MAP3K19: variants seen among roughly 807,000 people sequenced by gnomAD.
MAP3K19 encodes the protein mitogen-activated protein kinase kinase kinase 19.
MAP3K19 carries 91 observed loss-of-function variants against 114.4 expected under a neutral mutation model. The ratio of observed to expected loss-of-function variants is 0.80; its 90% CI spans 0.67 to 0.95. MAP3K19 has a LOEUF of 0.95. MAP3K19 is among the 40% of genes least tolerant of loss of function. The pLI is 0.00. For missense variants in MAP3K19, 1,471 were observed against 1,573.2 expected (o/e 0.94, Z 1.10); for synonymous variants, 518 against 530.5 (o/e 0.98, Z 0.32).
intron 12 of MAP3K19, among the ~76,000 whole-genome samples, chr2:134,977,356 ATTTTTTTTTTTT>A (rs774277347): frequency 2.3e-5 from 2 of 86,834 alleles, no homozygotes; most frequent in South Asian, 9.3e-4. Flanking sequence ...TAATTTTTAA[ATTTTTTTTTTTT>A]TTTTTTTTTT....
Position 135,012,530 on chromosome 2 carries a change from T to C in MAP3K19, c.139-6999A>G, listed in dbSNP as rs1356082752. On this transcript the variant is annotated intron_variant, in intron 5 of 12. Transcript: ENST00000392915. ...TCTTGATTTAACCGTTTATTTTTAATTTTCACTTAATTTTTATCAAAATTA... is the reference window on the plus strand; with the variant it reads ...TCTTGATTTAACCGTTTATTTTTAACTTTCACTTAATTTTTATCAAAATTA... Among the ~76,000 whole-genome samples, 3 of 152,180 alleles carry C rather than the reference T, an allele frequency of 2.0e-5. No individual in the cohort carries two copies. In the South Asian group the frequency reaches 6.2e-4, roughly 32 times the overall value.
intron 5 of MAP3K19, among the ~76,000 whole-genome samples, chr2:135,018,281 C>CAAAAAAAAAA (rs781510594): frequency 9.1e-4 from 53 of 58,182 alleles, no homozygotes; most frequent in Middle Eastern, 0.012. Flanking sequence ...GCAACAACAG[C>CAAAAAAAAAA]AAAAAAAAAA....
chr2:134,983,130 A>T (rs1405849992), intron 11 of MAP3K19: 5 of 511,976 alleles, frequency 9.8e-6, no homozygotes, highest in Non-Finnish European at 2.0e-5. Flanking sequence ...CTACTGTGTT[A>T]TCAAACACTA....
chr2:135,024,758 C>A lies in MAP3K19; in HGVS notation c.-94-17G>T. The A allele has an allele frequency of 6.6e-6, 6 of 902,580 alleles. No homozygotes were observed. The highest frequency in any genetic ancestry group is 1.5e-5 in the South Asian group (1 of 65,110). 55.9% of individuals were successfully genotyped at this position (902,580 alleles called of 1,614,324 possible). On this transcript the variant is annotated splice_polypyrimidine_tract_variant and intron_variant, in intron 3 of 12. Transcript: ENST00000392915. ...TTAGGATCTCTAGGAAGAACAGAATCAACATTAAAGTTTATTTAGTTGAAT... is the reference window on the plus strand; with the variant it reads ...TTAGGATCTCTAGGAAGAACAGAATAAACATTAAAGTTTATTTAGTTGAAT...
chr2:135,042,501 CAAAAAAAAAAAA>C (rs1168430275), intron 1 of MAP3K19, among the ~76,000 whole-genome samples: 1 of 58,778 alleles, frequency 1.7e-5, no homozygotes, highest in African/African-American at 5.9e-5. Flanking sequence ...GACTCTGTCT[CAAAAAAAAAAAA>C]AAAAAAGAAA....
At chr2:134,991,097 C>T (rs533278359) in intron 9 of MAP3K19, among the ~76,000 whole-genome samples, 38 of 151,828 alleles carry the variant, frequency 2.5e-4, no homozygotes, top group African/African-American at 7.7e-4. Flanking sequence ...GTCAGGAGAT[C>T]GAGACCATCC....
intron 12 of MAP3K19, among the ~76,000 whole-genome samples, chr2:134,977,487 C>T (rs1684324149): frequency 6.6e-6 from 1 of 151,226 alleles, no homozygotes; most frequent in South Asian, 2.1e-4. Flanking sequence ...CTCAGCCTCC[C>T]GAGTAGCTGG....
chr2:134,969,183 A>T (rs1480282965), intron 12 of MAP3K19, among the ~76,000 whole-genome samples: 1 of 133,748 alleles, frequency 7.5e-6, no homozygotes, highest in African/African-American at 3.0e-5. Context: ...CCCCGTCTCC[A>T]CCAAAAAAAA....
intron 2 of MAP3K19, among the ~76,000 whole-genome samples, chr2:135,036,142 T>A (rs912842056): frequency 3.9e-5 from 6 of 152,128 alleles, no homozygotes; most frequent in African/African-American, 1.4e-4. Flanking sequence ...GGCCAAGATT[T>A]TTTTTTTCCT....
In MAP3K19 at chr2:135,001,472, G is replaced by A. The variant is rs114532345; in HGVS notation, c.236-1457C>T. Reference sequence around the variant, plus strand: ...AGAGGTCACCTAACCCAAGCCTTTCGTTTTAGAGACGAAGAAACTGATAGC... The same window carrying A: ...AGAGGTCACCTAACCCAAGCCTTTCATTTTAGAGACGAAGAAACTGATAGC... On this transcript the variant is annotated intron_variant, in intron 6 of 12. Coordinates refer to ENST00000392915, the MANE Select transcript of MAP3K19 (RefSeq NM_025052.5). Among the ~76,000 whole-genome samples the A allele has an allele frequency of 4.2e-3, 634 of 152,318 alleles. 6 individuals carry two copies. The highest frequency in any genetic ancestry group is 0.014 in the Middle Eastern group (4 of 294).
intron 5 of MAP3K19, among the ~76,000 whole-genome samples, chr2:135,013,868 C>T (rs571804142): frequency 6.6e-6 from 1 of 152,268 alleles, no homozygotes; most frequent in East Asian, 1.9e-4. Context: ...CCTCCTCTCT[C>T]TTGATCCTCT....
chr2:134,970,104 G>C (rs1683763824), intron 12 of MAP3K19, among the ~76,000 whole-genome samples: 1 of 151,806 alleles, frequency 6.6e-6, no homozygotes, highest in South Asian at 2.1e-4. Context: ...GTATTGCTTT[G>C]GCTCTTTGAG....
At chr2:135,001,881 T>C (rs1232137791) in intron 6 of MAP3K19, among the ~76,000 whole-genome samples, 2 of 152,246 alleles carry the variant, frequency 1.3e-5, no homozygotes, top group Non-Finnish European at 2.9e-5. Flanking sequence ...AACAAGCACA[T>C]GTAAGAAATA....
rs769646254 is a variant in MAP3K19, at chr2:134,986,782, A to T, written c.2090T>A (p.Ile697Asn). 1.9e-6 allele frequency: 3 copies of T among 1,614,142 alleles called. No homozygotes were observed. Among genetic ancestry groups the T allele is most frequent in the Non-Finnish European group, 2.5e-6 (3 of 1,180,036 alleles). The stretch of plus-strand genomic sequence containing the variant: ...GTGTGAAGATCGACATTTATTGGTG[A>T]TACGTCTGCCTGATGGAGCCGAACA... ...EICSAPSGRR[I>N]TNKCRSSHSE... is the part of the protein sequence containing the mutation. The change falls in exon 10 of 13, where the codon ATC (isoleucine) becomes AAC (asparagine). Residue 697 changes from isoleucine (I) to asparagine (N), a missense_variant. Ile to Asn is a moderately radical substitution (Grantham distance 149, BLOSUM62 -3). Coordinates refer to ENST00000392915, the MANE Select transcript of MAP3K19 (RefSeq NM_025052.5).
intron 12 of MAP3K19, among the ~76,000 whole-genome samples, chr2:134,969,197 C>T (rs192495882): frequency 1.7e-4 from 25 of 150,004 alleles, no homozygotes; most frequent in Non-Finnish European, 3.0e-4. Context: ...AAAAAAAATA[C>T]GAAAACCAGT....
Position 134,999,293 on chromosome 2 carries a change from T to C in MAP3K19, c.315-296A>G, listed in dbSNP as rs1686260455. ...AGACCAAGGGCAGGCCTGGGGGATG[T>C]ACCCTTTTATCTCCACAGGTACTGA... On this transcript the variant is annotated intron_variant, in intron 7 of 12. Transcript: ENST00000392915. This position sits in a 1 kb window ranked among gnomAD's most constrained non-coding sequence, Gnocchi z 4.1. Among the ~76,000 whole-genome samples, 1 of 152,208 alleles carries C rather than the reference T, an allele frequency of 6.6e-6. No homozygotes were observed. The highest frequency in any genetic ancestry group is 1.5e-5 in the Non-Finnish European group (1 of 68,032).
intron 8 of MAP3K19, among the ~76,000 whole-genome samples, chr2:134,995,416 C>T (rs140095791): frequency 2.6e-5 from 4 of 151,776 alleles, no homozygotes; most frequent in East Asian, 1.9e-4. Flanking sequence ...CAGGATGACA[C>T]GAAGGGAATC....
At chr2:134,977,842 G>T (rs1231486945) in intron 12 of MAP3K19, among the ~76,000 whole-genome samples, 1 of 152,128 alleles carries the variant, frequency 6.6e-6, no homozygotes, top group Non-Finnish European at 1.5e-5. Context: ...ACAAGGCTAA[G>T]CTCGGTGACT....
chr2:134,977,009 G>A (rs114402571), intron 12 of MAP3K19, among the ~76,000 whole-genome samples: 1,720 of 141,462 alleles, frequency 0.012, 33 homozygotes, highest in African/African-American at 0.044. Context: ...TCACACCACC[G>A]CATTCCAGCC....
Sources: gnomAD v4.1 joint callset for allele counts (sites outside exome capture counted in the v4.1 genomes callset) on GRCh38, gnomAD v4.1.1 for gene constraint, Gnocchi (gnomAD v3.1) non-coding constraint, MANE v1.5 for transcripts, NCBI Gene and HGNC (gene_info 2026-07-23, HGNC 2026-07-21) for gene names.